Variants in FPR1 observed in about 807,000 individuals in gnomAD.
FPR1 encodes N-formyl peptide receptor 1.
For missense variants in FPR1, 407 were observed against 453.0 expected, an observed-to-expected ratio of 0.90 and a Z score of 0.92; for synonymous variants, 193 against 176.7, an observed-to-expected ratio of 1.09 and a Z score of -0.73.
Position 51,746,490 on chromosome 19 carries a change from C to T in FPR1, c.505G>A (p.Gly169Ser). The T allele has an allele frequency of 1.2e-6, 2 of 1,614,132 alleles. No individual in the cohort carries two copies. Among genetic ancestry groups the T allele is most frequent in the Non-Finnish European group, 1.7e-6 (2 of 1,180,026 alleles). ...PVIIRVTTVP[G>S]KTGTVACTFN... ...GTGCAGGCTACTGTCCCCGTTTTAC[C>T]AGGTACTGTAGTCACACGAATGATA... is the stretch of plus-strand genomic sequence containing the variant. Residue 169 changes from glycine (G) to serine (S), a missense_variant, in exon 2 of 2, where the codon GGT (glycine) becomes AGT (serine). Coordinates refer to ENST00000304748, the MANE Select transcript of FPR1 (RefSeq NM_002029.4). This position sits in a 1 kb window ranked among gnomAD's most constrained non-coding sequence, Gnocchi z 4.3.
chr19:51,747,091 C>T (rs1599807503), intron 1 of FPR1, 86 bp from the exon 2 acceptor site: 2 of 1,019,386 alleles, frequency 2.0e-6, no homozygotes, highest in East Asian at 2.6e-5. Context: ...TGCCAGTTTT[C>T]CCACTCCTAG....
At position 51,745,827 on chromosome 19, in the gene FPR1, T is replaced by C. The variant is rs922200018; in HGVS notation, c.*115A>G. On this transcript the variant is annotated 3_prime_UTR_variant, in exon 2 of 2. Transcript: ENST00000304748. ...TCAGGGGACACAAAGGCTTTTTTTTTTTTTTCTGATGAGTGGGTAATCCTA... is the reference window on the plus strand; with the variant it reads ...TCAGGGGACACAAAGGCTTTTTTTTCTTTTTCTGATGAGTGGGTAATCCTA... The C allele has an allele frequency of 1.1e-5, 9 of 851,192 alleles. No homozygotes were observed. Among genetic ancestry groups the C allele is most frequent in the Non-Finnish European group, 1.7e-5 (9 of 532,876 alleles). 52.7% of individuals were successfully genotyped at this position (851,192 alleles called of 1,614,324 possible).
intron 1 of FPR1, among the ~76,000 whole-genome samples, chr19:51,751,454 C>A (rs2083780282): frequency 6.6e-6 from 1 of 152,148 alleles, no homozygotes; most frequent in African/African-American, 2.4e-5. Context: ...GCAATCTGAG[C>A]TCACTGCAAC....
Position 51,746,669 on chromosome 19 carries a change from A to G in FPR1, c.326T>C (p.Leu109Ser). ...GGCGATCAGGAAGACACTTCCGAAC[A>G]AGTTGATGTCCACTATGGTAAAGAC... ...KFVFTIVDIN[L>S]FGSVFLIALI... The change falls in exon 2 of 2, where the codon TTG becomes TCG. Residue 109 changes from leucine (L) to serine (S), a missense_variant. Coordinates refer to ENST00000304748, the MANE Select transcript of FPR1 (RefSeq NM_002029.4). This position sits in a 1 kb window ranked among gnomAD's most constrained non-coding sequence, Gnocchi z 4.3. The G allele has an allele frequency of 6.2e-7, 1 of 1,614,174 alleles. No individual in the cohort carries two copies. The highest frequency in any genetic ancestry group is 8.5e-7 in the Non-Finnish European group (1 of 1,180,022).
At chr19:51,750,702 A>G (rs1331756628) in intron 1 of FPR1, 5 of 152,230 alleles carry the variant, frequency 3.3e-5, no homozygotes, top group African/African-American at 1.2e-4. Flanking sequence ...GTTCAAGGGA[A>G]AAATCCTGTG....
At chr19:51,750,503 A>G (rs1243196624) in intron 1 of FPR1, among the ~76,000 whole-genome samples, 1 of 152,204 alleles carries the variant, frequency 6.6e-6, no homozygotes, top group African/African-American at 2.4e-5. Context: ...CTACAATCTC[A>G]GAAACAACTC....
intron 1 of FPR1, among the ~76,000 whole-genome samples, chr19:51,747,415 G>A (rs2083755457): frequency 6.6e-6 from 1 of 151,980 alleles, no homozygotes. Flanking sequence ...GTGGGGTTTT[G>A]CCATGTTGGC....
At position 51,746,613 on chromosome 19, in the gene FPR1, G is replaced by A. The variant is rs1320409683; in HGVS notation, c.382C>T (p.Leu128=). 3.1e-6 allele frequency: 5 copies of A among 1,614,034 alleles called. No homozygotes were observed. The African/African-American group carries it at 6.7e-5, about 22-fold the overall frequency. Residue 128 remains leucine, a synonymous_variant, in exon 2 of 2, where the codon CTG becomes TTG. Transcript: ENST00000304748. This position sits in a 1 kb window ranked among gnomAD's most constrained non-coding sequence, Gnocchi z 4.3. ...TGGTTCTGGGTCCAGACTGGATGCA[G>A]GACGCAAACACAGCGGTCCAGAGCA... The part of the protein sequence containing the change: ...LIALDRCVCV[L]HPVWTQNHRT...
Position 51,746,145 on chromosome 19 carries a change from C to T in FPR1, c.850G>A (p.Asp284Asn). ...AAGAAGGCCAGGGCACTTGTCACATCCACTGCAATACCAATTTCTTTGTAC... is the reference window on the plus strand; with the variant it reads ...AAGAAGGCCAGGGCACTTGTCACATTCACTGCAATACCAATTTCTTTGTAC... ...GMYKEIGIAV[D>N]VTSALAFFNS... Residue 284 changes from aspartate to asparagine, a missense_variant, in exon 2 of 2, where the codon GAT (aspartate) becomes AAT (asparagine). Physicochemically the swap from Asp to Asn is conservative, Grantham distance 23 (BLOSUM62 1). Transcript: ENST00000304748. This position sits in a 1 kb window ranked among gnomAD's most constrained non-coding sequence, Gnocchi z 4.3. The T allele has an allele frequency of 1.2e-6, 2 of 1,614,222 alleles. No individual in the cohort carries two copies. Among genetic ancestry groups the T allele is most frequent in the Non-Finnish European group, 1.7e-6 (2 of 1,180,046 alleles).
rs185187479 is a variant in FPR1 at position 51,745,780 on chromosome 19, A to C, written c.*162T>G. ...CAAAAAAGAAGTCAATAATAAACTC[A>C]TATCTGTTTATTCTCCCCAAATCAG... On this transcript the variant is annotated 3_prime_UTR_variant, in exon 2 of 2. Transcript: ENST00000304748. The C allele has an allele frequency of 5.0e-5, 32 of 636,522 alleles. No individual in the cohort carries two copies. The East Asian group carries it at 7.3e-4, about 15-fold the overall frequency. 39.4% of individuals were successfully genotyped at this position (636,522 alleles called of 1,614,324 possible).
Position 51,745,868 on chromosome 19 carries a change from G to C in FPR1, c.*74C>G, listed in dbSNP as rs1223363377. On this transcript the variant is annotated 3_prime_UTR_variant, in exon 2 of 2. Coordinates refer to ENST00000304748, the MANE Select transcript of FPR1 (RefSeq NM_002029.4). The stretch of plus-strand genomic sequence containing the variant: ...GGTAATCCTAAAATAAGCAGGAAAT[G>C]CCTGTGGCTCAGCCTAACTCAAGGT... 8.3e-7 allele frequency: 1 copy of C among 1,198,700 alleles called. No homozygotes were observed. Among genetic ancestry groups the C allele is most frequent in the Non-Finnish European group, 1.2e-6 (1 of 837,810 alleles). The allele number at this position is 1,198,700 out of a possible 1,614,324, so 74.3% of individuals were successfully genotyped here. A position where few individuals can be genotyped will look rare whatever the true frequency, so the allele number is the denominator to read the frequency against.
rs765348297 is a variant in FPR1, at chr19:51,746,241, GA to G, written c.753del (p.Leu252SerfsTer12). 1 of 1,613,994 alleles carries G rather than the reference GA, an allele frequency of 6.2e-7. No individual in the cohort carries two copies. The highest frequency in any genetic ancestry group is 8.5e-7 in the Non-Finnish European group (1 of 1,180,028). ...RVLSFVAAAF[F>X]LCWSPYQVVA... ...ACCACCTGATATGGGGACCAGCAGA[GA>G]AAAAAGGCTGCTGCGACAAAGGAGA... On this transcript the variant is annotated frameshift_variant, in exon 2 of 2. Coordinates refer to ENST00000304748, the MANE Select transcript of FPR1 (RefSeq NM_002029.4). LOFTEE classifies it low-confidence loss of function (END_TRUNC). This position sits in a 1 kb window ranked among gnomAD's most constrained non-coding sequence, Gnocchi z 4.3.
In FPR1 at chr19:51,745,779, C is replaced by T. The variant is rs181144562; in HGVS notation, c.*163G>A. ...TCAAAAAAGAAGTCAATAATAAACT[C>T]ATATCTGTTTATTCTCCCCAAATCA... On this transcript the variant is annotated 3_prime_UTR_variant, in exon 2 of 2. Transcript: ENST00000304748. The T allele has an allele frequency of 7.7e-5, 49 of 634,620 alleles. 1 individual carries two copies. Among genetic ancestry groups the T allele is most frequent in the East Asian group, 4.6e-4 (17 of 36,834 alleles). The allele number at this position is 634,620 out of a possible 1,614,324, so 39.3% of individuals were successfully genotyped here. A position where few individuals can be genotyped will look rare whatever the true frequency, so the allele number is the denominator to read the frequency against.
At chr19:51,745,622 A>G, downstream of FPR1, 1 of 272,114 alleles carries the variant, frequency 3.7e-6, no homozygotes, top group South Asian at 4.9e-5. Flanking sequence ...AATGATGGGT[A>G]TCATTCACTA....
chr19:51,747,878 CCTGTCATCT>C (rs1164613619), intron 1 of FPR1, among the ~76,000 whole-genome samples: 2 of 152,170 alleles, frequency 1.3e-5, no homozygotes, highest in African/African-American at 4.8e-5. Flanking sequence ...GTGGTTCACG[CCTGTCATCT>C]CAGAGCTTTG....
intron 1 of FPR1, 131 bp from the exon 2 acceptor site, chr19:51,747,136 C>T (rs141827858): frequency 3.4e-5 from 22 of 650,656 alleles, no homozygotes; most frequent in South Asian, 2.7e-4. Context: ...CCACAACAGC[C>T]GGAACATCCT....
intron 1 of FPR1, among the ~76,000 whole-genome samples, chr19:51,748,316 G>A (rs1194710572): frequency 1.3e-5 from 2 of 152,150 alleles, no homozygotes; most frequent in African/African-American, 2.4e-5. Context: ...AGGGACTGGG[G>A]AAACTAGGAA....
chr19:51,748,942 C>T (rs956880203), intron 1 of FPR1, among the ~76,000 whole-genome samples: 2 of 152,092 alleles, frequency 1.3e-5, no homozygotes, highest in East Asian at 1.9e-4. Context: ...CTCAGCCAGG[C>T]GCAGTGGCTC....
At chr19:51,749,967 G>A (rs776893628) in intron 1 of FPR1, among the ~76,000 whole-genome samples, 38 of 152,150 alleles carry the variant, frequency 2.5e-4, no homozygotes, top group Non-Finnish European at 4.1e-4. Context: ...CACTGCGCCC[G>A]GCCTGGTCTT....
Sources: allele counts gnomAD v4.1 joint callset (sites outside exome capture counted in the v4.1 genomes callset), GRCh38; gene constraint gnomAD v4.1.1; non-coding constraint Gnocchi (gnomAD v3.1); transcripts MANE v1.5; gene names NCBI Gene and HGNC (gene_info 2026-07-23, HGNC 2026-07-21).